Variants in FANCC observed in about 807,000 individuals in gnomAD.
FANCC encodes the protein FA complementation group C.
FANCC carries 55 observed loss-of-function variants against 71.3 expected under a neutral mutation model. That is an observed-to-expected ratio of 0.77 (90% CI 0.62 to 0.97). The LOEUF (loss-of-function observed/expected upper bound fraction) is 0.97, where lower values mean the gene tolerates loss of function less well. FANCC is among the 50% of genes least tolerant of loss of function. The pLI, the probability that FANCC is intolerant of heterozygous loss-of-function variation, is 0.00. For missense variants in FANCC, 678 were observed against 670.9 expected (o/e 1.01, Z -0.12); for synonymous variants, 275 against 244.9 (o/e 1.12, Z -1.15).
chr9:95,299,281 G>C (rs1834579769), intron 1 of FANCC, among the ~76,000 whole-genome samples: 1 of 152,146 alleles, frequency 6.6e-6, no homozygotes, highest in Non-Finnish European at 1.5e-5. Flanking sequence ...TTCCAGCTTT[G>C]TCTAGGATTT....
intron 1 of FANCC, among the ~76,000 whole-genome samples, chr9:95,262,562 G>T (rs1036506084): frequency 6.6e-6 from 1 of 152,132 alleles, no homozygotes; most frequent in Admixed American, 6.5e-5. Context: ...AAAACAGTAT[G>T]GTGGTTCCTG....
At chr9:95,134,653 T>C (rs1219248518) in intron 8 of FANCC, among the ~76,000 whole-genome samples, 2 of 152,202 alleles carry the variant, frequency 1.3e-5, no homozygotes, top group Non-Finnish European at 2.9e-5. Context: ...TGGTCTTTAT[T>C]CCTGTCCTTA....
intron 1 of FANCC, among the ~76,000 whole-genome samples, chr9:95,308,779 C>G (rs1835215069): frequency 6.6e-6 from 1 of 152,100 alleles, no homozygotes; most frequent in Admixed American, 6.5e-5. Flanking sequence ...ATACCTGAAA[C>G]TTTGATAGAA....
intron 10 of FANCC, among the ~76,000 whole-genome samples, chr9:95,123,105 C>T (rs1288053936): frequency 6.6e-6 from 1 of 151,976 alleles, no homozygotes; most frequent in Admixed American, 6.6e-5. Flanking sequence ...TGTTTGAGAC[C>T]AGCCTGAGCA....
chr9:95,131,518 G>A (rs777085831), intron 8 of FANCC, among the ~76,000 whole-genome samples: 1 of 152,194 alleles, frequency 6.6e-6, no homozygotes, highest in Admixed American at 6.5e-5. Context: ...AGACTATGCT[G>A]GAGGATCTGG....
chr9:95,129,868 C>T (rs1249689381), intron 8 of FANCC, among the ~76,000 whole-genome samples: 2 of 152,110 alleles, frequency 1.3e-5, no homozygotes, highest in Admixed American at 6.5e-5. Flanking sequence ...TGTATAGACC[C>T]GATTGTTCTG....
intron 4 of FANCC, among the ~76,000 whole-genome samples, chr9:95,180,078 A>G (rs1826246166): frequency 1.3e-5 from 2 of 152,204 alleles, no homozygotes; most frequent in African/African-American, 4.8e-5. Flanking sequence ...TGCTTTGTGC[A>G]TGTACTTCTG....
intron 1 of FANCC, among the ~76,000 whole-genome samples, chr9:95,252,274 CAA>C (rs71366284): frequency 4.0e-5 from 2 of 50,158 alleles, no homozygotes; most frequent in African/African-American, 1.6e-4. Flanking sequence ...GAGACTGATT[CAA>C]AAAAAAAAAA....
chr9:95,198,777 G>T (rs1392311749), intron 4 of FANCC, among the ~76,000 whole-genome samples: 1 of 152,064 alleles, frequency 6.6e-6, no homozygotes, highest in East Asian at 1.9e-4. Flanking sequence ...CTAGAAACAG[G>T]TCCAGACTGG....
At chr9:95,228,286 A>C (rs1210429144) in intron 4 of FANCC, among the ~76,000 whole-genome samples, 1 of 152,110 alleles carries the variant, frequency 6.6e-6, no homozygotes, top group African/African-American at 2.4e-5. Flanking sequence ...TCACACCATT[A>C]ATTTATAAAC....
intron 1 of FANCC, among the ~76,000 whole-genome samples, chr9:95,308,943 G>A (rs1049964666): frequency 6.6e-6 from 1 of 152,148 alleles, no homozygotes. Flanking sequence ...AGGAGGGCAA[G>A]ACTGCAACGA....
rs33935721 is a variant in FANCC, at chr9:95,117,723, A to ATT, written c.997-335_997-334dup. ...GTTGTGAGATGTTAGGTATTTCAGC[A>ATT]TTTTTTTTTTTTTTTTTGAAACGGA... On this transcript the variant is annotated intron_variant, in intron 10 of 14. Coordinates refer to ENST00000289081, the MANE Select transcript of FANCC (RefSeq NM_000136.3). Among the ~76,000 whole-genome samples, 480 of 136,790 alleles carry ATT rather than the reference A, an allele frequency of 3.5e-3. 5 individuals are homozygous for ATT. The highest frequency in any genetic ancestry group is 0.02 in the East Asian group (93 of 4,646). 89.7% of individuals were successfully genotyped at this position (136,790 alleles called of 152,430 possible).
At chr9:95,122,906 G>A (rs1173261004) in intron 10 of FANCC, among the ~76,000 whole-genome samples, 1 of 152,150 alleles carries the variant, frequency 6.6e-6, no homozygotes, top group African/African-American at 2.4e-5. Context: ...CCTTCCAGCC[G>A]AGCCACCTCC....
At chr9:95,233,946 C>T (rs1830150593) in intron 4 of FANCC, among the ~76,000 whole-genome samples, 2 of 152,208 alleles carry the variant, frequency 1.3e-5, no homozygotes, top group African/African-American at 4.8e-5. Flanking sequence ...TCACAGAGGG[C>T]TGGCAGGAGC....
chr9:95,240,471 T>G (rs1387542787), intron 4 of FANCC, among the ~76,000 whole-genome samples, 178 bp downstream of exon 4: 1 of 152,208 alleles, frequency 6.6e-6, no homozygotes, highest in Non-Finnish European at 1.5e-5. Context: ...CAAGCAAAAT[T>G]GAAATCTCTT....
intron 9 of FANCC, among the ~76,000 whole-genome samples, chr9:95,126,159 C>T (rs768811129): frequency 6.6e-6 from 1 of 152,126 alleles, no homozygotes; most frequent in Admixed American, 6.5e-5. Flanking sequence ...GCTTTAAAGT[C>T]TTTTAAAAAT....
chr9:95,132,859 C>T, intron 8 of FANCC, among the ~76,000 whole-genome samples: 1 of 152,248 alleles, frequency 6.6e-6, no homozygotes, highest in East Asian at 1.9e-4. Context: ...GTTTTTGTTA[C>T]ATTTTGGTAA....
At chr9:95,164,453 A>G (rs1261275930) in intron 6 of FANCC, among the ~76,000 whole-genome samples, 1 of 152,102 alleles carries the variant, frequency 6.6e-6, no homozygotes, top group African/African-American at 2.4e-5. Flanking sequence ...GGCCTTTACT[A>G]CTTTACTACA....
At chr9:95,292,920 G>T (rs1021627701) in intron 1 of FANCC, 25 of 1,580,084 alleles carry the variant, frequency 1.6e-5, no homozygotes, top group Middle Eastern at 1.7e-4. Context: ...GTGCACATGC[G>T]GCTGTCCCTA....
Sources: allele counts gnomAD v4.1 joint callset (sites outside exome capture counted in the v4.1 genomes callset), GRCh38; gene constraint gnomAD v4.1.1; transcripts MANE v1.5; gene names NCBI Gene and HGNC (gene_info 2026-07-23, HGNC 2026-07-21).